Variants in NELL2 observed in about 807,000 individuals in gnomAD.
NELL2 encodes neural EGFL like 2.
A neutral mutation model predicts 109.6 loss-of-function variants in NELL2; 41 were observed. The ratio of observed to expected loss-of-function variants is 0.37; its 90% CI spans 0.29 to 0.49. NELL2 has a LOEUF of 0.49. NELL2 is among the 20% of genes least tolerant of loss of function. NELL2 has a pLI of 0.98. For missense variants in NELL2, 900 were observed against 1,008.3 expected (o/e 0.89, Z 1.45); for synonymous variants, 355 against 344.7 (o/e 1.03, Z -0.33).
At chr12:44,646,056 C>CAAGGGTAT (rs1040143901) in intron 13 of NELL2, among the ~76,000 whole-genome samples, 2 of 151,910 alleles carry the variant, frequency 1.3e-5, no homozygotes, top group Non-Finnish European at 2.9e-5. Context: ...ATAAAGTCTG[C>CAAGGGTAT]AAGGGTATGT....
At chr12:44,611,072 CCA>C (rs776700294) in intron 13 of NELL2, 102 bp from the exon 14 acceptor site, 5 of 1,130,354 alleles carry the variant, frequency 4.4e-6, no homozygotes, top group Non-Finnish European at 6.4e-6. Flanking sequence ...ATTCTTTCAA[CCA>C]CAGACATAAC....
intron 15 of NELL2, among the ~76,000 whole-genome samples, chr12:44,538,488 A>G (rs1942393564): frequency 6.6e-6 from 1 of 152,190 alleles, no homozygotes; most frequent in African/African-American, 2.4e-5. Flanking sequence ...ACAATTTTGT[A>G]AGACGGATTT....
chr12:44,827,279 C>G (rs1437609881), intron 2 of NELL2, among the ~76,000 whole-genome samples: 1 of 152,088 alleles, frequency 6.6e-6, no homozygotes, highest in African/African-American at 2.4e-5. Context: ...TCACCTCAAG[C>G]ACTTATCCTT....
At chr12:44,653,400 T>G (rs945600250) in intron 13 of NELL2, among the ~76,000 whole-genome samples, 6 of 152,270 alleles carry the variant, frequency 3.9e-5, no homozygotes, top group African/African-American at 1.4e-4. Flanking sequence ...ATCCACAAGC[T>G]AAATGCCACA....
intron 15 of NELL2, among the ~76,000 whole-genome samples, chr12:44,563,133 G>A (rs958843306): frequency 6.6e-6 from 1 of 152,084 alleles, no homozygotes; most frequent in Admixed American, 6.6e-5. Flanking sequence ...TGGACACAGG[G>A]AGGGGAACAT....
At chr12:44,740,326 T>A (rs1335464365) in intron 9 of NELL2, among the ~76,000 whole-genome samples, 1 of 152,208 alleles carries the variant, frequency 6.6e-6, no homozygotes, top group Non-Finnish European at 1.5e-5. Context: ...ATATAATTCC[T>A]ATAATTGTTA....
Position 44,876,005 on chromosome 12 carries a change from T to C in NELL2, c.-136A>G, listed in dbSNP as rs1027610910. On this transcript the variant is annotated 5_prime_UTR_variant, in exon 1 of 20. Transcript: ENST00000429094. ...CGGATTTACTGATCAGTAGGATTAA[T>C]ACGCTTTGGTTGCCTAAGAAAGAAA... is the stretch of plus-strand genomic sequence containing the variant. The C allele has an allele frequency of 4.4e-4, 669 of 1,528,960 alleles. No individual in the cohort carries two copies. The highest frequency in any genetic ancestry group is 5.2e-4 in the Non-Finnish European group (594 of 1,145,126). The allele number at this position is 1,528,960 out of a possible 1,614,324, so 94.7% of individuals were successfully genotyped here.
chr12:44,775,111 C>G (rs1941699889), intron 8 of NELL2, among the ~76,000 whole-genome samples: 1 of 152,036 alleles, frequency 6.6e-6, no homozygotes, highest in Admixed American at 6.5e-5. Flanking sequence ...TTATTGACTT[C>G]ACTATACCAC....
At chr12:44,683,698 T>C (rs1948609846) in intron 12 of NELL2, among the ~76,000 whole-genome samples, 2 of 152,176 alleles carry the variant, frequency 1.3e-5, no homozygotes, top group Non-Finnish European at 2.9e-5. Flanking sequence ...TTGTCTTTGG[T>C]TCTGTTTATA....
Position 44,587,957 on chromosome 12 carries a change from C to T in NELL2, c.1663+19212G>A, listed in dbSNP as rs1029743413. The stretch of plus-strand genomic sequence containing the variant: ...ACGAGGTCAGGAGATAGAGACCATC[C>T]TGGCTAACATGGTGAAACCCCGTCT... On this transcript the variant is annotated intron_variant, in intron 15 of 19. Transcript: ENST00000429094. Among the ~76,000 whole-genome samples, 31 of 152,178 alleles carry T rather than the reference C, an allele frequency of 2.0e-4. 1 individual carries two copies. The highest frequency in any genetic ancestry group is 1.3e-4 in the Non-Finnish European group (9 of 68,002).
intron 9 of NELL2, among the ~76,000 whole-genome samples, chr12:44,738,714 T>C (rs972925385): frequency 2.0e-5 from 3 of 152,194 alleles, no homozygotes; most frequent in Non-Finnish European, 2.9e-5. Flanking sequence ...CTTTCAGTTA[T>C]ATGATGAATA....
chr12:44,918,511 GCATGTA>G (rs1007304628), upstream of NELL2, among the ~76,000 whole-genome samples: 2 of 139,902 alleles, frequency 1.4e-5, no homozygotes, highest in East Asian at 2.1e-4. Flanking sequence ...GTTCATGCAT[GCATGTA>G]TGTGTGTGTG....
At chr12:44,536,127 C>G (rs1445655808) in intron 15 of NELL2, among the ~76,000 whole-genome samples, 1 of 151,890 alleles carries the variant, frequency 6.6e-6, no homozygotes, top group Non-Finnish European at 1.5e-5. Context: ...AAACTTCCCA[C>G]TAGAAGGCAT....
intron 13 of NELL2, among the ~76,000 whole-genome samples, chr12:44,641,672 A>T (rs1592254515): frequency 7.0e-6 from 1 of 142,010 alleles, no homozygotes; most frequent in Non-Finnish European, 1.5e-5. Flanking sequence ...ACTCGTGAGG[A>T]CTTGTACTAG....
At chr12:44,690,155 T>A (rs1948855604) in intron 12 of NELL2, among the ~76,000 whole-genome samples, 1 of 152,178 alleles carries the variant, frequency 6.6e-6, no homozygotes, top group African/African-American at 2.4e-5. Flanking sequence ...TGTCCAGGAA[T>A]GTGCATTTTT....
chr12:44,872,574 A>G (rs1245990366), intron 2 of NELL2, among the ~76,000 whole-genome samples: 2 of 152,162 alleles, frequency 1.3e-5, no homozygotes, highest in African/African-American at 2.4e-5. Context: ...AGGAAAAGCA[A>G]TATTAAATGA....
chr12:44,834,597 G>T (rs564172208), intron 2 of NELL2, among the ~76,000 whole-genome samples: 2 of 152,152 alleles, frequency 1.3e-5, no homozygotes, highest in Non-Finnish European at 2.9e-5. Context: ...TAAATACTGC[G>T]CAGGGCAGGG....
intron 15 of NELL2, among the ~76,000 whole-genome samples, chr12:44,590,135 T>C (rs1944690777): frequency 6.6e-6 from 1 of 152,216 alleles, no homozygotes; most frequent in Non-Finnish European, 1.5e-5. Context: ...GTGCAGTCAT[T>C]AATTATAATG....
At chr12:44,611,011 T>A (rs1483702979) in intron 13 of NELL2, 41 bp from the exon 14 acceptor site, 1 of 1,599,274 alleles carries the variant, frequency 6.3e-7, no homozygotes, top group Admixed American at 1.7e-5. Context: ...AAGTTATATT[T>A]CCAAAGCTAT....
Sources: allele counts gnomAD v4.1 joint callset (sites outside exome capture counted in the v4.1 genomes callset), GRCh38; gene constraint gnomAD v4.1.1; transcripts MANE v1.5; gene names NCBI Gene and HGNC (gene_info 2026-07-23, HGNC 2026-07-21).